EIF4G3: variants seen among roughly 807,000 people sequenced by gnomAD.
The protein encoded by EIF4G3 is eukaryotic translation initiation factor 4 gamma 3, also known as eIF-4-gamma 3.
EIF4G3 carries 34 observed loss-of-function variants against 186.4 expected under a neutral mutation model. That is an observed-to-expected ratio of 0.18 (90% confidence interval 0.14 to 0.24). EIF4G3 has a LOEUF of 0.24. Among genes scored for constraint, EIF4G3 ranks in the 10% least tolerant of loss-of-function variants. EIF4G3 has a pLI of 1.00. For missense variants in EIF4G3, 1,536 were observed against 1,948.5 expected (o/e 0.79, Z 3.99); for synonymous variants, 673 against 679.5 (o/e 0.99, Z 0.15).
chr1:21,104,689 T>C (rs1422354480), intron 2 of EIF4G3, among the ~76,000 whole-genome samples: 1 of 152,166 alleles, frequency 6.6e-6, no homozygotes, highest in African/African-American at 2.4e-5. Flanking sequence ...CTTAAACCAT[T>C]TGACCCAGCA....
chr1:20,836,932 G>C (rs879697799), intron 30 of EIF4G3, among the ~76,000 whole-genome samples: 1 of 152,160 alleles, frequency 6.6e-6, no homozygotes, highest in Non-Finnish European at 1.5e-5. Context: ...CCTAACTAGG[G>C]TCATAAAGTA....
intron 4 of EIF4G3, among the ~76,000 whole-genome samples, chr1:21,035,815 A>C (rs755419520): frequency 2.0e-5 from 3 of 152,128 alleles, no homozygotes; most frequent in Non-Finnish European, 4.4e-5. Flanking sequence ...GAGGTTCTGA[A>C]GGCTAGGGGT....
intron 20 of EIF4G3, among the ~76,000 whole-genome samples, chr1:20,866,058 C>T (rs894537538): frequency 6.6e-6 from 1 of 152,158 alleles, no homozygotes; most frequent in African/African-American, 2.4e-5. Flanking sequence ...CCTCTGAGCA[C>T]CATTTTGAAC....
chr1:21,045,070 T>G (rs990067354), intron 4 of EIF4G3, among the ~76,000 whole-genome samples: 3 of 152,038 alleles, frequency 2.0e-5, no homozygotes, highest in Admixed American at 1.3e-4. Context: ...CAGTGAGCTA[T>G]GATCACACTG....
intron 2 of EIF4G3, among the ~76,000 whole-genome samples, chr1:21,107,397 C>T (rs926216299): frequency 3.9e-5 from 6 of 151,982 alleles, no homozygotes; most frequent in Non-Finnish European, 7.4e-5. Context: ...GTCTCAAACT[C>T]CTGACCTCAA....
At chr1:20,838,768 C>T (rs1160415019) in intron 30 of EIF4G3, among the ~76,000 whole-genome samples, 3 of 152,120 alleles carry the variant, frequency 2.0e-5, no homozygotes, top group African/African-American at 4.8e-5. Flanking sequence ...GCAGTCTGGA[C>T]CTCCCAGGTG....
chr1:20,980,297 A>G (rs761353755), intron 10 of EIF4G3, 37 bp downstream of exon 10: 2 of 1,446,744 alleles, frequency 1.4e-6, no homozygotes, highest in South Asian at 2.8e-5. Context: ...AATAAACACA[A>G]AAAACTAGCA....
intron 33 of EIF4G3, among the ~76,000 whole-genome samples, chr1:20,823,372 TTTTG>T (rs910228051): frequency 7.9e-5 from 12 of 152,152 alleles, no homozygotes; most frequent in South Asian, 6.2e-4. Context: ...TGTGTGTGGC[TTTTG>T]TTTATTTATT....
intron 18 of EIF4G3, among the ~76,000 whole-genome samples, chr1:20,888,928 A>G (rs1404233180): frequency 6.6e-6 from 1 of 152,100 alleles, no homozygotes; most frequent in Non-Finnish European, 1.5e-5. Flanking sequence ...CTGTGCTAAG[A>G]GGTATGGGCT....
intron 27 of EIF4G3, among the ~76,000 whole-genome samples, chr1:20,852,617 G>A (rs1230760437): frequency 1.3e-5 from 2 of 152,100 alleles, no homozygotes; most frequent in African/African-American, 2.4e-5. Context: ...TCGTTGGCCC[G>A]TGGCAGACCA....
At chr1:20,825,251 G>GAAAAAAAAA (rs71585786) in intron 32 of EIF4G3, 53 bp from the exon 33 acceptor site, 132 of 231,650 alleles carry the variant, frequency 5.7e-4, no homozygotes, top group South Asian at 1.9e-3. Context: ...AGAAGAAACA[G>GAAAAAAAAA]AAAAAAAAAA....
At chr1:21,103,004 G>C (rs1557973589) in intron 2 of EIF4G3, among the ~76,000 whole-genome samples, 1 of 151,982 alleles carries the variant, frequency 6.6e-6, no homozygotes, top group Non-Finnish European at 1.5e-5. Context: ...CTTTAATTCT[G>C]ACAAAGTTAC....
chr1:21,045,010 T>C (rs996855901), intron 4 of EIF4G3, among the ~76,000 whole-genome samples: 1 of 152,130 alleles, frequency 6.6e-6, no homozygotes, highest in Non-Finnish European at 1.5e-5. Flanking sequence ...GGAGCTCGCA[T>C]ACAGTCCCAG....
chr1:21,125,765 T>TACACAC (rs1212580615), intron 2 of EIF4G3, among the ~76,000 whole-genome samples: 23 of 122,726 alleles, frequency 1.9e-4, no homozygotes, highest in African/African-American at 7.4e-4. Context: ...TTTTTTTATA[T>TACACAC]ATATATACAC....
intron 20 of EIF4G3, among the ~76,000 whole-genome samples, chr1:20,873,153 C>G (rs757831139): frequency 2.0e-5 from 3 of 152,182 alleles, no homozygotes; most frequent in Non-Finnish European, 4.4e-5. Context: ...CATGTAGTAT[C>G]TTTTTGGGTC....
intron 16 of EIF4G3, among the ~76,000 whole-genome samples, chr1:20,896,924 AG>A (rs2088383552): frequency 6.6e-6 from 1 of 152,246 alleles, no homozygotes; most frequent in Non-Finnish European, 1.5e-5. Context: ...TACACTATAC[AG>A]CCTAGGTGTG....
At chr1:21,032,172 G>C (rs1391422997) in intron 4 of EIF4G3, among the ~76,000 whole-genome samples, 1 of 151,988 alleles carries the variant, frequency 6.6e-6, no homozygotes, top group Non-Finnish European at 1.5e-5. Context: ...ATCCATTAAC[G>C]CTGGAAATTA....
intron 23 of EIF4G3, among the ~76,000 whole-genome samples, chr1:20,861,733 G>C (rs537716918): frequency 6.6e-6 from 1 of 152,306 alleles, no homozygotes; most frequent in Non-Finnish European, 1.5e-5. Context: ...CAGCACTTTG[G>C]GAGGCTGAGG....
intron 4 of EIF4G3, among the ~76,000 whole-genome samples, chr1:21,029,329 A>C (rs2092506290): frequency 6.6e-6 from 1 of 152,010 alleles, no homozygotes. Flanking sequence ...CCCAATCATA[A>C]AGTTTTAATT....
Sources: allele counts gnomAD v4.1 joint callset (sites outside exome capture counted in the v4.1 genomes callset), GRCh38; gene constraint gnomAD v4.1.1; transcripts MANE v1.5; gene names NCBI Gene and HGNC (gene_info 2026-07-23, HGNC 2026-07-21).